The following C1orf167 variants were observed in gnomAD, a reference collection of about 807,000 sequenced individuals.
C1orf167 encodes the protein chromosome 1 open reading frame 167.
Under a neutral mutation model 176.5 loss-of-function variants are expected in C1orf167, and 153 were observed. The observed-to-expected ratio is 0.87, with a 90% confidence interval of 0.76 to 0.99. The LOEUF (loss-of-function observed/expected upper bound fraction) is 0.99. Among genes scored for constraint, C1orf167 ranks in the 50% least tolerant of loss-of-function variants. C1orf167 has a pLI of 0.00. For missense variants in C1orf167, 1,490 were observed against 1,817.7 expected (o/e 0.82, Z 3.28); for synonymous variants, 594 against 752.7 (o/e 0.79, Z 3.45).
chr1:11,765,290 C>G (rs573377442), intron 2 of C1orf167, among the ~76,000 whole-genome samples: 1 of 152,166 alleles, frequency 6.6e-6, no homozygotes. Context: ...CCCGGTACCT[C>G]ATCCATCCCC....
At chr1:11,780,439 G>A (rs1643542625) in intron 13 of C1orf167, among the ~76,000 whole-genome samples, 1 of 152,130 alleles carries the variant, frequency 6.6e-6, no homozygotes, top group Non-Finnish European at 1.5e-5. Flanking sequence ...GCAAATTCTG[G>A]TGATGAGACC....
rs575843659 is a variant in C1orf167 at position 11,766,922 on chromosome 1, G to T, written c.1136G>T (p.Ser379Ile). ...CCCAGTCTCCCTCGAGGGGTGGGAA[G>T]CAGGGGGACCGACCCCTGTTCCTCA... is the stretch of plus-strand genomic sequence containing the variant. ...GDPSLPRGVG[S>I]RGTDPCSSAF... Residue 379 changes from serine (S) to isoleucine (I), a missense_variant, in exon 3 of 21, where the codon AGC (serine) becomes ATC (isoleucine). Coordinates refer to ENST00000688073, the MANE Select transcript of C1orf167 (RefSeq NM_001010881.2). This position sits in a 1 kb window ranked among gnomAD's most constrained non-coding sequence, Gnocchi z 4.5. 1.3e-4 allele frequency: 161 copies of T among 1,219,474 alleles called. 1 individual carries two copies. In the South Asian group the frequency reaches 1.6e-3, roughly 12 times the overall value. The allele number at this position is 1,219,474 out of a possible 1,614,324, so 75.5% of individuals were successfully genotyped here. A position where few individuals can be genotyped will look rare whatever the true frequency, so the allele number is the denominator to read the frequency against.
intron 4 of C1orf167, among the ~76,000 whole-genome samples, chr1:11,767,821 G>A (rs1642873030): frequency 6.6e-6 from 1 of 152,020 alleles, no homozygotes; most frequent in South Asian, 2.1e-4. Flanking sequence ...GCAAGACTCT[G>A]TCTCAAAATT....
At chr1:11,775,398 T>G (rs72638698) in intron 8 of C1orf167, 37 bp from the exon 9 acceptor site, 137,927 of 1,256,836 alleles carry the variant, frequency 0.11, 8,062 homozygotes, top group South Asian at 0.17. Flanking sequence ...CATCAGATCT[T>G]GCAATTGACA....
chr1:11,771,496 G>A (rs1643076324), intron 6 of C1orf167, 28 bp from the exon 7 acceptor site: 1 of 1,278,428 alleles, frequency 7.8e-7, no homozygotes, highest in Non-Finnish European at 1.0e-6. Flanking sequence ...CGGGTCATCA[G>A]CTTCTCTCTG....
chr1:11,766,113 G>A lies in C1orf167; in HGVS notation c.327G>A (p.Arg109=), dbSNP rs1160838212. 18 of 1,289,746 alleles carry A rather than the reference G, an allele frequency of 1.4e-5. No individual in the cohort carries two copies. The highest frequency in any genetic ancestry group is 1.7e-5 in the Non-Finnish European group (17 of 988,884). The allele number at this position is 1,289,746 out of a possible 1,614,324, so 79.9% of individuals were successfully genotyped here. ...WQQSNLQSLA[R]RRQGKAREFA... ...AGAGCAACCTGCAGTCCCTGGCCAG[G>A]AGGCGCCAAGGGAAGGCCCGAGAGT... Residue 109 remains arginine (R), a synonymous_variant, in exon 3 of 21, where the codon AGG becomes AGA. Transcript: ENST00000688073. The surrounding 1 kb of genome is among the most constrained non-coding windows in gnomAD (Gnocchi z 4.5).
rs1030988082 is a variant in C1orf167 at position 11,784,170 on chromosome 1, G to A, written c.3006-4G>A. ...ACACCTGGCCCAATGTGTCTGTTTTGCAGCTACTTCCAGGCCTGGTGTGAG... is the reference window on the plus strand; with the variant it reads ...ACACCTGGCCCAATGTGTCTGTTTTACAGCTACTTCCAGGCCTGGTGTGAG... On this transcript the variant is annotated splice_region_variant and splice_polypyrimidine_tract_variant and intron_variant, in intron 14 of 20. Coordinates refer to ENST00000688073, the MANE Select transcript of C1orf167 (RefSeq NM_001010881.2). The A allele has an allele frequency of 8.2e-7, 1 of 1,221,286 alleles. No individual in the cohort carries two copies. The highest frequency in any genetic ancestry group is 1.6e-5 in the African/African-American group (1 of 63,328). The allele number at this position is 1,221,286 out of a possible 1,614,324, so 75.7% of individuals were successfully genotyped here.
chr1:11,776,620 T>A lies in C1orf167; in HGVS notation c.2321T>A (p.Phe774Tyr). 8.3e-7 allele frequency: 1 copy of A among 1,199,940 alleles called. No homozygotes were observed. The allele number at this position is 1,199,940 out of a possible 1,614,324, so 74.3% of individuals were successfully genotyped here. A position where few individuals can be genotyped will look rare whatever the true frequency, so the allele number is the denominator to read the frequency against. ...CTGCTGCTGTGGAAGATGCGGCTTTTCCAGCGCCAGTGGGCCAAGTAGGTG... is the reference window on the plus strand; with the variant it reads ...CTGCTGCTGTGGAAGATGCGGCTTTACCAGCGCCAGTGGGCCAAGTAGGTG... ...WALLLWKMRL[F>Y]QRQWANSFFQ... Residue 774 changes from phenylalanine (F) to tyrosine (Y), a missense_variant, in exon 10 of 21, where the codon TTC becomes TAC. Physicochemically the swap from Phe to Tyr is conservative, Grantham distance 22. Transcript: ENST00000688073.
At position 11,776,572 on chromosome 1, in the gene C1orf167, G is replaced by A. The variant is rs1275460722; in HGVS notation, c.2273G>A (p.Trp758Ter). Residue 758 changes from tryptophan to a stop codon, truncating the protein, a stop_gained, in exon 10 of 21, where the codon TGG becomes TAG. Coordinates refer to ENST00000688073, the MANE Select transcript of C1orf167 (RefSeq NM_001010881.2). LOFTEE classifies it high-confidence loss of function. The stretch of plus-strand genomic sequence containing the variant: ...CGGGGCTCCCTGCAGGATGCCTGCT[G>A]GACACTGGCCCTCTGCTGGGCGCTG... The part of the protein sequence containing the change: ...QGRGSLQDAC[W>*]TLALCWALLL... 3.0e-5 allele frequency: 37 copies of A among 1,245,792 alleles called. No individual in the cohort carries two copies. The Admixed American group carries it at 6.2e-4, about 21-fold the overall frequency. 77.2% of individuals were successfully genotyped at this position (1,245,792 alleles called of 1,614,324 possible).
Position 11,767,384 on chromosome 1 carries a change from A to G in C1orf167, c.1343+120A>G, listed in dbSNP as rs557828980. 380 of 924,456 alleles carry G rather than the reference A, an allele frequency of 4.1e-4. 4 individuals carry two copies. In the South Asian group the frequency reaches 5.2e-3, roughly 13 times the overall value. 57.3% of individuals were successfully genotyped at this position (924,456 alleles called of 1,614,324 possible). A position where few individuals can be genotyped will look rare whatever the true frequency, so the allele number is the denominator to read the frequency against. On this transcript the variant is annotated intron_variant, in intron 4 of 20. Coordinates refer to ENST00000688073, the MANE Select transcript of C1orf167 (RefSeq NM_001010881.2). ...CTGATGGAGAGGAGGCAGGGTTTCA[A>G]GGAAGAGGAACTTACTACCTGTCCC...
intron 13 of C1orf167, among the ~76,000 whole-genome samples, chr1:11,781,170 G>A (rs1347906048): frequency 6.6e-6 from 1 of 151,874 alleles, no homozygotes; most frequent in African/African-American, 2.4e-5. Context: ...GCTAATTTTT[G>A]TATTTTTAGT....
At chr1:11,767,165 C>A in intron 3 of C1orf167, 56 bp from the exon 4 acceptor site, 3 of 1,287,354 alleles carry the variant, frequency 2.3e-6, no homozygotes, top group Non-Finnish European at 1.0e-6. Flanking sequence ...CAGGGGGTGC[C>A]CTGTCCTGCC....
chr1:11,770,539 G>A (rs1021193149), intron 6 of C1orf167, among the ~76,000 whole-genome samples: 1 of 150,996 alleles, frequency 6.6e-6, no homozygotes, highest in Admixed American at 6.6e-5. Context: ...CGCCTCCTGG[G>A]TTCAAGCGAT....
At chr1:11,788,612 C>T in intron 19 of C1orf167, 40 bp from the exon 20 acceptor site, 8 of 1,289,220 alleles carry the variant, frequency 6.2e-6, no homozygotes, top group Non-Finnish European at 8.2e-6. Context: ...TGCGGGGGAG[C>T]GTGAGCACAA....
chr1:11,767,350 G>A, intron 4 of C1orf167, 86 bp downstream of exon 4: 1 of 1,130,144 alleles, frequency 8.8e-7, no homozygotes, highest in Admixed American at 2.3e-5. Context: ...TCCAAATGGA[G>A]ATGAGGGCCT....
rs1557728182 is a variant in C1orf167, at chr1:11,772,045, ACT to A, written c.1811-30_1811-29del. Reference sequence around the variant, plus strand: ...CTGGCTCAGATCCTCCCATCTGCTTACTCTCTCTTTTCTCTCCCTCCTCCCTC... The same window carrying A: ...CTGGCTCAGATCCTCCCATCTGCTTACTCTCTTTTCTCTCCCTCCTCCCTC... On this transcript the variant is annotated intron_variant, in intron 7 of 20. Transcript: ENST00000688073. The A allele has an allele frequency of 3.1e-6, 4 of 1,274,394 alleles. No individual in the cohort carries two copies. The South Asian group carries it at 5.2e-5, about 17-fold the overall frequency. The allele number at this position is 1,274,394 out of a possible 1,614,324, so 78.9% of individuals were successfully genotyped here. A position where few individuals can be genotyped will look rare whatever the true frequency, so the allele number is the denominator to read the frequency against.
chr1:11,789,404 T>C lies in C1orf167; in HGVS notation c.4308T>C (p.Gly1436=), dbSNP rs1473557663. ...AGGAAGCCGCCAGAGCACCGCGGGG[T>C]TGGGGGCTTGGGGCAGAGCATGGGG... ...SGQEAARAPR[G]WGLGAEHGAQ... The change falls in exon 21 of 21, where the codon GGT becomes GGC. Residue 1436 remains glycine (G), a synonymous_variant. Coordinates refer to ENST00000688073, the MANE Select transcript of C1orf167 (RefSeq NM_001010881.2). 1.0e-5 allele frequency: 13 copies of C among 1,301,632 alleles called. No homozygotes were observed. The Admixed American group carries it at 1.2e-4, about 12-fold the overall frequency. The allele number at this position is 1,301,632 out of a possible 1,614,324, so 80.6% of individuals were successfully genotyped here.
At chr1:11,763,751 G>A (rs1447799539) in intron 1 of C1orf167, among the ~76,000 whole-genome samples, 3 of 152,178 alleles carry the variant, frequency 2.0e-5, no homozygotes, top group South Asian at 4.1e-4. Context: ...GCGTGAGGAC[G>A]AGGCAGAATA....
intron 14 of C1orf167, among the ~76,000 whole-genome samples, chr1:11,783,702 C>G (rs1439222550): frequency 6.6e-6 from 1 of 152,112 alleles, no homozygotes; most frequent in African/African-American, 2.4e-5. Flanking sequence ...CAGCCCCTGC[C>G]CTCTGAGGCT....
Sources: gnomAD v4.1 joint callset for allele counts (sites outside exome capture counted in the v4.1 genomes callset) on GRCh38, gnomAD v4.1.1 for gene constraint, Gnocchi (gnomAD v3.1) non-coding constraint, MANE v1.5 for transcripts, NCBI Gene and HGNC (gene_info 2026-07-23, HGNC 2026-07-21) for gene names.